The following MLF1 variants were observed in gnomAD, a reference collection of about 807,000 sequenced individuals.
MLF1 encodes myeloid leukemia factor 1.
In MLF1, 37 loss-of-function variants were observed where a neutral mutation model predicts 38.3. The ratio of observed to expected loss-of-function variants is 0.96; its 90% CI spans 0.74 to 1.27. The LOEUF (loss-of-function observed/expected upper bound fraction) is 1.27, where lower values mean the gene tolerates loss of function less well. Among genes scored for constraint, MLF1 ranks in the 50% most tolerant of loss-of-function variants. MLF1 has a pLI of 0.00. For synonymous variants in MLF1, 95 were observed against 106.5 expected (o/e 0.89, Z 0.66); for missense variants, 331 against 349.2 (o/e 0.95, Z 0.42).
chr3:158,592,680 ATATTCT>A, intron 2 of MLF1, 99 bp downstream of exon 2: 1 of 1,005,142 alleles, frequency 9.9e-7, no homozygotes, highest in Admixed American at 2.6e-5. Flanking sequence ...GATATGACTA[ATATTCT>A]TGTTCTAGAA....
intron 1 of MLF1, among the ~76,000 whole-genome samples, chr3:158,579,454 C>T (rs932119778): frequency 5.9e-5 from 9 of 152,164 alleles, no homozygotes; most frequent in African/African-American, 9.6e-5. Context: ...ACTATAGGCT[C>T]GCTTTTGTTT....
rs760275962 is a variant in MLF1, at chr3:158,592,592, T to G, written c.195+11T>G. 1.3e-6 allele frequency: 2 copies of G among 1,580,220 alleles called. No individual in the cohort carries two copies. Among genetic ancestry groups the G allele is most frequent in the Admixed American group, 3.6e-5 (2 of 55,170 alleles). On this transcript the variant is annotated intron_variant, in intron 2 of 7. Transcript: ENST00000466246. Reference sequence around the variant, plus strand: ...GAAGATTCTTTGACTGTAAGTTCTTTTTTTTAAGACAGTTAGTGAGAAGGC... The same window carrying G: ...GAAGATTCTTTGACTGTAAGTTCTTGTTTTTAAGACAGTTAGTGAGAAGGC...
chr3:158,604,281 T>G (rs2108663172), intron 7 of MLF1, among the ~76,000 whole-genome samples: 1 of 152,340 alleles, frequency 6.6e-6, no homozygotes, highest in South Asian at 2.1e-4. Flanking sequence ...CAGGTCGCAC[T>G]TAGAGAAGGC....
intron 1 of MLF1, among the ~76,000 whole-genome samples, chr3:158,576,931 T>C (rs1287329114): frequency 6.6e-6 from 1 of 152,052 alleles, no homozygotes; most frequent in African/African-American, 2.4e-5. Context: ...CTCAGCCTCC[T>C]AAAGTGCTGG....
intron 1 of MLF1, 138 bp from the exon 2 acceptor site, chr3:158,592,296 A>G: frequency 1.5e-6 from 1 of 652,740 alleles, no homozygotes; most frequent in Non-Finnish European, 2.4e-6. Context: ...CTATTTATGA[A>G]TAAAATAGAG....
In MLF1 at chr3:158,571,349, T is replaced by C; in HGVS notation, c.47+2T>C. On this transcript the variant is annotated splice_donor_variant, in intron 1 of 7. Transcript: ENST00000466246. LOFTEE classifies it high-confidence loss of function. ...TTTTGAGGATGACCCCTTCTTCTCG[T>C]GAGTTACGGGAGCCAGGAGTCCGGG... is the stretch of plus-strand genomic sequence containing the variant. 1 of 1,613,040 alleles carries C rather than the reference T, an allele frequency of 6.2e-7. No homozygotes were observed. The highest frequency in any genetic ancestry group is 1.3e-5 in the African/African-American group (1 of 74,968).
chr3:158,579,441 C>T (rs942291102), intron 1 of MLF1, among the ~76,000 whole-genome samples: 1 of 152,138 alleles, frequency 6.6e-6, no homozygotes, highest in African/African-American at 2.4e-5. Context: ...TTGCAAACAC[C>T]AGACTATAGG....
intron 1 of MLF1, among the ~76,000 whole-genome samples, chr3:158,571,635 G>A (rs1382355103): frequency 2.2e-5 from 2 of 92,900 alleles, no homozygotes. Flanking sequence ...GTGGGGAGGA[G>A]AGTTAAGGCT....
intron 1 of MLF1, among the ~76,000 whole-genome samples, chr3:158,575,345 A>G (rs1323158791): frequency 2.0e-5 from 3 of 152,146 alleles, no homozygotes; most frequent in South Asian, 2.1e-4. Flanking sequence ...TTTCATTACC[A>G]CCATATTACA....
chr3:158,589,321 C>G (rs1239645748), intron 1 of MLF1, among the ~76,000 whole-genome samples: 1 of 152,006 alleles, frequency 6.6e-6, no homozygotes, highest in Non-Finnish European at 1.5e-5. Context: ...AAGTGATTCT[C>G]CTGCCTCAGC....
chr3:158,602,974 A>G (rs1210166432), intron 7 of MLF1, 35 bp downstream of exon 7: 1 of 1,580,088 alleles, frequency 6.3e-7, no homozygotes, highest in African/African-American at 1.4e-5. Context: ...TGGTTTTTTA[A>G]GAAGAATTTG....
intron 1 of MLF1, among the ~76,000 whole-genome samples, chr3:158,578,474 A>G (rs1385896590): frequency 6.6e-6 from 1 of 151,292 alleles, no homozygotes; most frequent in Non-Finnish European, 1.5e-5. Flanking sequence ...CCTTAAACAC[A>G]TGTATGTACG....
chr3:158,593,344 A>G, intron 2 of MLF1, 38 bp from the exon 3 acceptor site: 1 of 1,468,854 alleles, frequency 6.8e-7, no homozygotes, highest in Non-Finnish European at 9.1e-7. Flanking sequence ...CTATATAATA[A>G]ATGTCATAAT....
rs1717696225 is a variant in MLF1 at position 158,588,782 on chromosome 3, A to G, written c.48-3652A>G. 9.3e-6 allele frequency: 4 copies of G among 429,544 alleles called. No individual in the cohort carries two copies. In the Admixed American group the frequency reaches 1.1e-4, roughly 12 times the overall value. 26.6% of individuals were successfully genotyped at this position (429,544 alleles called of 1,614,324 possible). On this transcript the variant is annotated intron_variant, in intron 1 of 7. Coordinates refer to ENST00000466246, the MANE Select transcript of MLF1 (RefSeq NM_001369783.1). ...TTCGCAAAATTTTGAGACCACATTCAGGATGGCCTCAATTAAGACATAAGC... is the reference window on the plus strand; with the variant it reads ...TTCGCAAAATTTTGAGACCACATTCGGGATGGCCTCAATTAAGACATAAGC...
At chr3:158,596,202 C>G (rs1290466005) in intron 3 of MLF1, among the ~76,000 whole-genome samples, 1 of 152,088 alleles carries the variant, frequency 6.6e-6, no homozygotes, top group African/African-American at 2.4e-5. Context: ...CAAAATCAAT[C>G]TTGGTTGAGA....
At position 158,598,282 on chromosome 3, in the gene MLF1, T is replaced by G. The variant is rs566497795; in HGVS notation, c.453+74T>G. Reference sequence around the variant, plus strand: ...TAGACTGTCTAGATCAAATTTTAACTATTAAAATTTAATCTGGTACAAGAT... The same window carrying G: ...TAGACTGTCTAGATCAAATTTTAACGATTAAAATTTAATCTGGTACAAGAT... On this transcript the variant is annotated intron_variant, in intron 5 of 7. Coordinates refer to ENST00000466246, the MANE Select transcript of MLF1 (RefSeq NM_001369783.1). The G allele has an allele frequency of 1.4e-4, 198 of 1,427,238 alleles. 2 individuals carry two copies. In the Middle Eastern group the frequency reaches 2.2e-3, roughly 16 times the overall value. 88.4% of individuals were successfully genotyped at this position (1,427,238 alleles called of 1,614,324 possible).
At chr3:158,589,587 A>G (rs1361468090) in intron 1 of MLF1, among the ~76,000 whole-genome samples, 2 of 152,156 alleles carry the variant, frequency 1.3e-5, no homozygotes, top group Non-Finnish European at 2.9e-5. Context: ...TACAGTTCCT[A>G]CTCTAGAAGA....
rs1464702814 is a variant in MLF1 at position 158,606,012 on chromosome 3, T to C, written c.*810T>C. On this transcript the variant is annotated 3_prime_UTR_variant, in exon 8 of 8. Coordinates refer to ENST00000466246, the MANE Select transcript of MLF1 (RefSeq NM_001369783.1). ...AGTCCTTGGAGAAACTCTGCTCAGC[T>C]TTTTTGTGACATTTAGAAAAATGCA... The C allele has an allele frequency of 1.1e-5, 2 of 183,334 alleles. No homozygotes were observed. The highest frequency in any genetic ancestry group is 8.9e-5 in the East Asian group (1 of 11,248). The allele number at this position is 183,334 out of a possible 1,614,324, so 11.4% of individuals were successfully genotyped here.
chr3:158,591,419 C>G (rs907639456), intron 1 of MLF1, among the ~76,000 whole-genome samples: 5 of 152,052 alleles, frequency 3.3e-5, no homozygotes, highest in African/African-American at 9.7e-5. Flanking sequence ...CTCAGCCTCC[C>G]AAAGTGCGGG....
Sources: gnomAD v4.1 joint callset for allele counts (sites outside exome capture counted in the v4.1 genomes callset) on GRCh38, gnomAD v4.1.1 for gene constraint, MANE v1.5 for transcripts, NCBI Gene and HGNC (gene_info 2026-07-23, HGNC 2026-07-21) for gene names.